The following IKZF3 variants were observed in gnomAD, a reference collection of about 807,000 sequenced individuals.
The protein encoded by IKZF3 is zinc finger protein Aiolos.
A neutral mutation model predicts 49.0 loss-of-function variants in IKZF3; 10 were observed. The observed-to-expected ratio is 0.20, with a 90% confidence interval of 0.13 to 0.35. The LOEUF (loss-of-function observed/expected upper bound fraction) is 0.35, where lower values mean the gene tolerates loss of function less well. Among genes scored for constraint, IKZF3 ranks in the 10% least tolerant of loss-of-function variants. The pLI, the probability that IKZF3 is intolerant of heterozygous loss-of-function variation, is 1.00. For missense variants in IKZF3, 498 were observed against 664.8 expected (o/e 0.75, Z 2.76); for synonymous variants, 209 against 228.2 (o/e 0.92, Z 0.76).
intron 1 of IKZF3, among the ~76,000 whole-genome samples, chr17:39,847,743 T>C (rs2062677089): frequency 6.6e-6 from 1 of 152,180 alleles, no homozygotes; most frequent in African/African-American, 2.4e-5. Context: ...ATGGCATTTA[T>C]TATTTTCCCC....
intron 3 of IKZF3, among the ~76,000 whole-genome samples, chr17:39,823,727 C>T (rs775216186): frequency 6.6e-6 from 1 of 152,278 alleles, no homozygotes. Context: ...GAGTACAAGC[C>T]CCAAGCCTTG....
intron 3 of IKZF3, among the ~76,000 whole-genome samples, chr17:39,808,481 C>T (rs1048390364): frequency 6.6e-5 from 10 of 152,176 alleles, no homozygotes; most frequent in Non-Finnish European, 1.5e-4. Context: ...GATCCAGATA[C>T]ATAAGGATAT....
chr17:39,837,020 C>T lies in IKZF3; in HGVS notation c.8-4869G>A, dbSNP rs528007128. Among the ~76,000 whole-genome samples the T allele has an allele frequency of 1.4e-4, 21 of 152,198 alleles. No individual in the cohort carries two copies. The East Asian group carries it at 3.9e-3, about 28-fold the overall frequency. On this transcript the variant is annotated intron_variant, in intron 1 of 7. Transcript: ENST00000346872. ...AATCATGGTTCACTGCAGCCTCGAC[C>T]TCCTGGGCTCAAGCAATCCTCCCAC...
intron 3 of IKZF3, among the ~76,000 whole-genome samples, chr17:39,794,334 C>A (rs912811222): frequency 4.6e-5 from 7 of 152,166 alleles, no homozygotes; most frequent in Admixed American, 2.6e-4. Context: ...AATGTTAAAA[C>A]CCAAAACAGT....
intron 7 of IKZF3, among the ~76,000 whole-genome samples, chr17:39,769,416 C>T (rs2060379416): frequency 6.6e-6 from 1 of 152,086 alleles, no homozygotes; most frequent in Non-Finnish European, 1.5e-5. Flanking sequence ...CAGAGAAATA[C>T]CTGAGAGAGA....
At chr17:39,858,235 A>C (rs2063121369) in intron 1 of IKZF3, among the ~76,000 whole-genome samples, 1 of 151,938 alleles carries the variant, frequency 6.6e-6, no homozygotes, top group Admixed American at 6.6e-5. Context: ...AAGGCAGGAG[A>C]ATCTTTTGTG....
intron 7 of IKZF3, among the ~76,000 whole-genome samples, chr17:39,775,416 A>AAACG (rs1316204513): frequency 2.0e-5 from 3 of 152,224 alleles, no homozygotes; most frequent in Admixed American, 2.0e-4. Context: ...TGTAGCAAAC[A>AAACG]AACGAAATAG....
chr17:39,805,612 G>A (rs1284407982), intron 3 of IKZF3, among the ~76,000 whole-genome samples: 1 of 152,128 alleles, frequency 6.6e-6, no homozygotes, highest in East Asian at 1.9e-4. Context: ...TGGAATTAGA[G>A]CACTGAGAAA....
chr17:39,820,120 G>T (rs950990274), intron 3 of IKZF3, among the ~76,000 whole-genome samples: 1 of 152,016 alleles, frequency 6.6e-6, no homozygotes, highest in African/African-American at 2.4e-5. Flanking sequence ...TAAATATCTA[G>T]CAAGGAAAAA....
intron 6 of IKZF3, among the ~76,000 whole-genome samples, chr17:39,782,547 T>C (rs2060771209): frequency 6.6e-6 from 1 of 152,188 alleles, no homozygotes; most frequent in South Asian, 2.1e-4. Context: ...TTGGTCCTTT[T>C]CTCCAACTTT....
chr17:39,820,703 C>A (rs1303504977), intron 3 of IKZF3, among the ~76,000 whole-genome samples: 2 of 152,130 alleles, frequency 1.3e-5, no homozygotes, highest in African/African-American at 2.4e-5. Flanking sequence ...TCATAACGAG[C>A]CCCTTTCAAT....
chr17:39,828,633 AC>A (rs1187976137), intron 3 of IKZF3, among the ~76,000 whole-genome samples: 5 of 152,188 alleles, frequency 3.3e-5, no homozygotes, highest in Non-Finnish European at 7.3e-5. Flanking sequence ...TAGGGAGAGT[AC>A]TGTGCAGTAC....
intron 3 of IKZF3, among the ~76,000 whole-genome samples, chr17:39,826,715 A>T (rs943356946): frequency 6.6e-6 from 1 of 152,242 alleles, no homozygotes; most frequent in African/African-American, 2.4e-5. Flanking sequence ...ATTAGTAGGT[A>T]TCACAGTGTG....
chr17:39,828,545 G>C (rs1229296896), intron 3 of IKZF3, among the ~76,000 whole-genome samples: 1 of 152,180 alleles, frequency 6.6e-6, no homozygotes, highest in Non-Finnish European at 1.5e-5. Context: ...ATGTGGAGGG[G>C]AGTCCCCGAT....
At chr17:39,826,376 C>T (rs181166874) in intron 3 of IKZF3, among the ~76,000 whole-genome samples, 3 of 152,306 alleles carry the variant, frequency 2.0e-5, no homozygotes, top group South Asian at 4.1e-4. Flanking sequence ...TGGACAACAT[C>T]CTGTTTGGAA....
rs1232667853 is a variant in IKZF3, at chr17:39,777,987, G to A, written c.710-220C>T. ...TGCAGTCTTATGCCGAGATGGGAAA[G>A]CTCGACCCATCCCCAACCAGTACCT... On this transcript the variant is annotated intron_variant, in intron 6 of 7. Transcript: ENST00000346872. 6 of 1,218,506 alleles carry A rather than the reference G, an allele frequency of 4.9e-6. No individual in the cohort carries two copies. The East Asian group carries it at 2.3e-4, about 46-fold the overall frequency. The allele number at this position is 1,218,506 out of a possible 1,614,324, so 75.5% of individuals were successfully genotyped here. A position where few individuals can be genotyped will look rare whatever the true frequency, so the allele number is the denominator to read the frequency against.
chr17:39,825,771 AC>A, intron 3 of IKZF3, among the ~76,000 whole-genome samples: 1 of 152,294 alleles, frequency 6.6e-6, no homozygotes, highest in East Asian at 1.9e-4. Context: ...TAATTTTAAA[AC>A]CTAAAATATC....
chr17:39,792,770 A>G lies in IKZF3; in HGVS notation c.327T>C (p.Asp109=), dbSNP rs1165237553. The change falls in exon 4 of 8, where the codon GAT becomes GAC. Residue 109 remains aspartate, a synonymous_variant. Coordinates refer to ENST00000346872, the MANE Select transcript of IKZF3 (RefSeq NM_012481.5). ...IKLERHVVSF[D]SSRPTSGKMN... is the part of the protein sequence containing the mutation. Reference sequence around the variant, plus strand: ...TCTTTCCACTGGTTGGCCTGCTACTATCGAATGAGACAACATGTCTCTCCA... The same window carrying G: ...TCTTTCCACTGGTTGGCCTGCTACTGTCGAATGAGACAACATGTCTCTCCA... 1 of 1,614,190 alleles carries G rather than the reference A, an allele frequency of 6.2e-7. No homozygotes were observed. Among genetic ancestry groups the G allele is most frequent in the Non-Finnish European group, 8.5e-7 (1 of 1,180,010 alleles).
chr17:39,778,226 T>C (rs1224092506), intron 6 of IKZF3: 3 of 976,722 alleles, frequency 3.1e-6, no homozygotes, highest in East Asian at 1.1e-4. Flanking sequence ...CTTTTGAAAA[T>C]AGGTACACTC....
Sources: allele counts gnomAD v4.1 joint callset (sites outside exome capture counted in the v4.1 genomes callset), GRCh38; gene constraint gnomAD v4.1.1; transcripts MANE v1.5; gene names NCBI Gene and HGNC (gene_info 2026-07-23, HGNC 2026-07-21).